KLHDC1: variants seen among roughly 807,000 people sequenced by gnomAD.
The protein encoded by KLHDC1 is kelch domain-containing protein 1.
In KLHDC1, 53 loss-of-function variants were observed where a neutral mutation model predicts 68.3. The observed-to-expected ratio is 0.78, with a 90% CI of 0.62 to 0.98. KLHDC1 has a LOEUF of 0.98. KLHDC1 is among the 50% of genes least tolerant of loss of function. The pLI is 0.00. For synonymous variants in KLHDC1, 148 were observed against 159.0 expected (o/e 0.93, Z 0.52); for missense variants, 470 against 492.3 (o/e 0.95, Z 0.43).
chr14:49,705,722 A>G (rs1888034095), intron 1 of KLHDC1, among the ~76,000 whole-genome samples: 1 of 152,142 alleles, frequency 6.6e-6, no homozygotes, highest in Non-Finnish European at 1.5e-5. Context: ...ACCTAATGCC[A>G]TTAAACCTTA....
chr14:49,751,752 C>G lies in KLHDC1; in HGVS notation c.1201C>G (p.Gln401Glu). ...VQKEETENKY[Q>E]WISSN is the part of the protein sequence containing the mutation. Reference sequence around the variant, plus strand: ...AAAAGAAGAAACAGAAAATAAATATCAGTGGATCAGTAGCAATTAAATTGT... The same window carrying G: ...AAAAGAAGAAACAGAAAATAAATATGAGTGGATCAGTAGCAATTAAATTGT... The change falls in exon 13 of 13, where the codon CAG (glutamine) becomes GAG (glutamate). Residue 401 changes from glutamine (Q) to glutamate (E), a missense_variant. By Grantham distance (29) the Gln-to-Glu change is conservative. Transcript: ENST00000359332. 1 of 1,565,314 alleles carries G rather than the reference C, an allele frequency of 6.4e-7. No homozygotes were observed. The highest frequency in any genetic ancestry group is 1.7e-4 in the Middle Eastern group (1 of 5,836).
intron 1 of KLHDC1, among the ~76,000 whole-genome samples, chr14:49,699,384 G>A (rs927846088): frequency 8.0e-5 from 12 of 149,976 alleles, no homozygotes; most frequent in Non-Finnish European, 1.5e-5. Context: ...AGGGAGACTA[G>A]GAGGCAAAAA....
At chr14:49,703,375 TC>T (rs1490152658) in intron 1 of KLHDC1, among the ~76,000 whole-genome samples, 2 of 151,694 alleles carry the variant, frequency 1.3e-5, no homozygotes, top group Non-Finnish European at 2.9e-5. Flanking sequence ...AGAGTTTCGC[TC>T]CTGTTGCCTA....
chr14:49,719,622 G>C (rs1888475270), intron 4 of KLHDC1, among the ~76,000 whole-genome samples: 1 of 151,632 alleles, frequency 6.6e-6, no homozygotes, highest in African/African-American at 2.4e-5. Flanking sequence ...ATTTTTTGTA[G>C]AGACAGGGTT....
At chr14:49,732,420 G>A (rs763293481) in intron 8 of KLHDC1, among the ~76,000 whole-genome samples, 4 of 152,094 alleles carry the variant, frequency 2.6e-5, no homozygotes, top group African/African-American at 7.2e-5. Context: ...CAATCCACCC[G>A]CCTTGACCTC....
chr14:49,747,188 T>C (rs1037214890), intron 12 of KLHDC1, among the ~76,000 whole-genome samples: 7 of 152,076 alleles, frequency 4.6e-5, no homozygotes, highest in South Asian at 2.1e-4. Flanking sequence ...ACCTCGTGAT[T>C]CACCCGCCTC....
intron 4 of KLHDC1, among the ~76,000 whole-genome samples, chr14:49,713,844 A>ATTTTTTT (rs1888293520): frequency 1.1e-4 from 4 of 35,598 alleles, no homozygotes; most frequent in African/African-American, 1.1e-4. Context: ...ATATATATAT[A>ATTTTTTT]TATATATTTT....
rs116893900 is a variant in KLHDC1, at chr14:49,706,462, G to A, written c.97-2697G>A. ...AACATGGGAGTGCAGATATCTCTGC[G>A]ATACACTGATTTCCTTTCTTTCGCA... On this transcript the variant is annotated intron_variant, in intron 1 of 12. Transcript: ENST00000359332. Among the ~76,000 whole-genome samples the A allele has an allele frequency of 6.2e-4, 94 of 152,270 alleles. 2 individuals are homozygous for A. The East Asian group carries it at 0.015, about 25-fold the overall frequency.
chr14:49,716,584 A>T (rs1011057660), intron 4 of KLHDC1, among the ~76,000 whole-genome samples: 1 of 151,938 alleles, frequency 6.6e-6, no homozygotes, highest in South Asian at 2.1e-4. Flanking sequence ...GGGTTTCACC[A>T]TGTTGGCCAG....
intron 4 of KLHDC1, among the ~76,000 whole-genome samples, chr14:49,722,077 C>T (rs375192380): frequency 1.3e-5 from 2 of 152,118 alleles, no homozygotes; most frequent in African/African-American, 2.4e-5. Context: ...GAAGATTATG[C>T]GAAAGAGTTA....
At chr14:49,741,428 C>G (rs2139766374) in intron 11 of KLHDC1, among the ~76,000 whole-genome samples, 1 of 151,948 alleles carries the variant, frequency 6.6e-6, no homozygotes, top group Non-Finnish European at 1.5e-5. Context: ...GCCTCAGCCT[C>G]CCAAGTAGCT....
chr14:49,703,467 C>G (rs566237495), intron 1 of KLHDC1, among the ~76,000 whole-genome samples: 33 of 152,080 alleles, frequency 2.2e-4, no homozygotes, highest in Non-Finnish European at 3.2e-4. Flanking sequence ...CTCAGCCTCC[C>G]AAGTAGCTGG....
chr14:49,732,765 G>A lies in KLHDC1; in HGVS notation c.772G>A (p.Asp258Asn). 6 of 1,610,126 alleles carry A rather than the reference G, an allele frequency of 3.7e-6. No homozygotes were observed. Among genetic ancestry groups the A allele is most frequent in the Non-Finnish European group, 4.2e-6 (5 of 1,176,592 alleles). The part of the protein sequence containing the change: ...RSWHTLTPIA[D>N]DKLFLCGGLS... The stretch of plus-strand genomic sequence containing the variant: ...ATGGCATACTTTAACACCTATAGCT[G>A]ATGATAAACTTTTCCTATGTGGTGG... Residue 258 changes from aspartate to asparagine, a missense_variant, in exon 9 of 13, where the codon GAT becomes AAT. Physicochemically the swap from Asp to Asn is conservative, Grantham distance 23 (BLOSUM62 1). Transcript: ENST00000359332.
At chr14:49,731,803 C>T (rs1268130697) in intron 8 of KLHDC1, among the ~76,000 whole-genome samples, 3 of 152,116 alleles carry the variant, frequency 2.0e-5, no homozygotes, top group African/African-American at 2.4e-5. Context: ...CCTTGGCGTC[C>T]CAAAGTGCTG....
chr14:49,699,442 C>T (rs2139728307), intron 1 of KLHDC1, among the ~76,000 whole-genome samples: 1 of 150,402 alleles, frequency 6.6e-6, no homozygotes, highest in African/African-American at 2.4e-5. Flanking sequence ...AAAAAGAGGA[C>T]ATGGCATATC....
intron 12 of KLHDC1, among the ~76,000 whole-genome samples, chr14:49,746,595 C>G (rs1889204863): frequency 6.6e-6 from 1 of 152,184 alleles, no homozygotes; most frequent in African/African-American, 2.4e-5. Flanking sequence ...TTTTCACAGT[C>G]AAGGATCCAG....
chr14:49,693,769 TGGA>T (rs1887650828), intron 1 of KLHDC1, among the ~76,000 whole-genome samples: 1 of 54,184 alleles, frequency 1.8e-5, no homozygotes, highest in African/African-American at 6.2e-5. Flanking sequence ...TTTTTTGAGA[TGGA>T]GTTTCGCTCT....
At position 49,693,248 on chromosome 14, in the gene KLHDC1, C is replaced by A. The variant is rs759415053; in HGVS notation, c.54C>A (p.Ala18=). 121 of 1,571,332 alleles carry A rather than the reference C, an allele frequency of 7.7e-5. No homozygotes were observed. The South Asian group carries it at 1.3e-3, about 17-fold the overall frequency. Residue 18 remains alanine, a synonymous_variant, in exon 1 of 13, where the codon GCC becomes GCA. Transcript: ENST00000359332. ...CGGAGGAACGCAGCGGCCACTGCGCCGTGGTGGACGGAAACTTCCTCTACG... is the reference window on the plus strand; with the variant it reads ...CGGAGGAACGCAGCGGCCACTGCGCAGTGGTGGACGGAAACTTCCTCTACG... The part of the protein sequence containing the change: ...CVAEERSGHC[A]VVDGNFLYVW...
At chr14:49,719,572 A>G (rs532417925) in intron 4 of KLHDC1, among the ~76,000 whole-genome samples, 1 of 151,024 alleles carries the variant, frequency 6.6e-6, no homozygotes, top group East Asian at 2.0e-4. Context: ...GGGACTACAG[A>G]CATGCACTAC....
Sources: gnomAD v4.1 joint callset for allele counts (sites outside exome capture counted in the v4.1 genomes callset) on GRCh38, gnomAD v4.1.1 for gene constraint, MANE v1.5 for transcripts, NCBI Gene and HGNC (gene_info 2026-07-23, HGNC 2026-07-21) for gene names.